The following DEK variants were observed in gnomAD, a reference collection of about 807,000 sequenced individuals.
The protein encoded by DEK is protein DEK.
A neutral mutation model predicts 46.8 loss-of-function variants in DEK; 28 were observed. The ratio of observed to expected loss-of-function variants is 0.60; its 90% CI spans 0.44 to 0.82. The LOEUF is 0.82. Among genes scored for constraint, DEK ranks in the 40% least tolerant of loss-of-function variants. DEK has a pLI of 0.00. For missense variants in DEK, 416 were observed against 430.6 expected, an observed-to-expected ratio of 0.97 and a Z score of 0.30; for synonymous variants, 160 against 144.5, an observed-to-expected ratio of 1.11 and a Z score of -0.77.
At chr6:18,226,975 T>C (rs532878381) in intron 9 of DEK, among the ~76,000 whole-genome samples, 1 of 151,372 alleles carries the variant, frequency 6.6e-6, no homozygotes, top group South Asian at 2.1e-4. Flanking sequence ...GAAGGCAGCA[T>C]GCTCGTTAAC....
chr6:18,245,790 T>C (rs762148215), intron 7 of DEK, among the ~76,000 whole-genome samples: 2 of 152,264 alleles, frequency 1.3e-5, no homozygotes, highest in Non-Finnish European at 2.9e-5. Context: ...TTTGGCTCTG[T>C]GTCCCCACCC....
At position 18,233,839 on chromosome 6, in the gene DEK, T is replaced by C. The variant is rs576862826; in HGVS notation, c.1047+2613A>G. 4.6e-5 allele frequency among the ~76,000 whole-genome samples: 7 copies of C among 152,310 alleles called. No homozygotes were observed. In the East Asian group the frequency reaches 1.4e-3, roughly 29 times the overall value. ...AATACCATTTGACCCAGCCATCCCA[T>C]TACTGGGGATATACCCAAAGGATTA... On this transcript the variant is annotated intron_variant, in intron 9 of 10. Transcript: ENST00000652689.
chr6:18,226,366 G>T, intron 9 of DEK, 124 bp from the exon 10 acceptor site: 1 of 777,796 alleles, frequency 1.3e-6, no homozygotes, highest in South Asian at 2.4e-5. Context: ...ACAGTACTCT[G>T]GTTAACCCAT....
chr6:18,237,160 GAT>G, intron 8 of DEK: 1 of 416,996 alleles, frequency 2.4e-6, no homozygotes, highest in Non-Finnish European at 4.1e-6. Context: ...CCATCCCCAA[GAT>G]ATCTCTCTCT....
chr6:18,255,751 G>A lies in DEK; in HGVS notation c.553C>T (p.His185Tyr), dbSNP rs1212516233. 2 of 1,608,382 alleles carry A rather than the reference G, an allele frequency of 1.2e-6. No homozygotes were observed. Among genetic ancestry groups the A allele is most frequent in the Non-Finnish European group, 1.7e-6 (2 of 1,178,614 alleles). Residue 185 changes from histidine to tyrosine, a missense_variant, in exon 6 of 11, where the codon CAT becomes TAT. By Grantham distance (83) the His-to-Tyr change is moderately conservative. Transcript: ENST00000652689. Reference sequence around the variant, plus strand: ...CTCACTTTGCCAGAAGGCTTTGGATGCATTAAGAAATTCAAGATCCTCTTC... The same window carrying A: ...CTCACTTTGCCAGAAGGCTTTGGATACATTAAGAAATTCAAGATCCTCTTC... ...LVKRILNFLM[H>Y]PKPSGKPLPK...
At chr6:18,225,830 G>C in intron 10 of DEK, 100 bp from the exon 11 acceptor site, 1 of 1,371,296 alleles carries the variant, frequency 7.3e-7, no homozygotes. Flanking sequence ...AATCAGTTGA[G>C]ATCAATACAG....
intron 9 of DEK, among the ~76,000 whole-genome samples, chr6:18,227,955 C>A (rs1790213413): frequency 6.6e-6 from 1 of 152,144 alleles, no homozygotes; most frequent in South Asian, 2.1e-4. Context: ...TCCTAAGACC[C>A]AGGTGGTCTC....
chr6:18,240,937 C>A (rs192865426), intron 7 of DEK, among the ~76,000 whole-genome samples: 1 of 152,270 alleles, frequency 6.6e-6, no homozygotes, highest in East Asian at 1.9e-4. Flanking sequence ...TACGACATGG[C>A]CCGCAAACAT....
At position 18,257,992 on chromosome 6, in the gene DEK, A is replaced by C; in HGVS notation, c.318T>G (p.Leu106=). 6.2e-7 allele frequency: 1 copy of C among 1,608,008 alleles called. No homozygotes were observed. Among genetic ancestry groups the C allele is most frequent in the South Asian group, 1.1e-5 (1 of 89,524 alleles). Residue 106 remains leucine (L), a synonymous_variant, in exon 4 of 11, where the codon CTT becomes CTG. Coordinates refer to ENST00000652689, the MANE Select transcript of DEK (RefSeq NM_003472.4). ...TGTAAAGCAGTTTGTGTAGATTTCTAAGTTCATCGGTTTTCTTCTTACTTA... is the reference window on the plus strand; with the variant it reads ...TGTAAAGCAGTTTGTGTAGATTTCTCAGTTCATCGGTTTTCTTCTTACTTA... ...FFLSKKKTDE[L]RNLHKLLYNR... is the part of the protein sequence containing the mutation.
intron 6 of DEK, among the ~76,000 whole-genome samples, chr6:18,255,293 A>T (rs553289451): frequency 6.6e-6 from 1 of 152,276 alleles, no homozygotes; most frequent in South Asian, 2.1e-4. Flanking sequence ...TTAGCTTTTA[A>T]ATGTCACTTT....
chr6:18,234,440 C>T (rs1790563078), intron 9 of DEK, among the ~76,000 whole-genome samples: 1 of 152,156 alleles, frequency 6.6e-6, no homozygotes, highest in Non-Finnish European at 1.5e-5. Flanking sequence ...TGGTTAAGCC[C>T]AGACTACAGA....
chr6:18,242,478 G>C (rs1790932927), intron 7 of DEK, among the ~76,000 whole-genome samples: 1 of 152,212 alleles, frequency 6.6e-6, no homozygotes, highest in Non-Finnish European at 1.5e-5. Context: ...GAAAATTCCA[G>C]AAGTAAACAA....
chr6:18,252,942 G>C (rs533837848), intron 6 of DEK, among the ~76,000 whole-genome samples: 61 of 152,282 alleles, frequency 4.0e-4, no homozygotes, highest in African/African-American at 1.3e-3. Context: ...TAAATACTGT[G>C]TTAACTCTCA....
intron 2 of DEK, among the ~76,000 whole-genome samples, chr6:18,258,636 G>GT (rs1320864705): frequency 4.5e-4 from 68 of 150,856 alleles, no homozygotes; most frequent in African/African-American, 1.7e-3. Context: ...CAGGGACTCA[G>GT]TTAAAAAAAA....
chr6:18,225,815 T>C (rs1470517330), intron 10 of DEK, 85 bp from the exon 11 acceptor site: 1 of 1,519,968 alleles, frequency 6.6e-7, no homozygotes, highest in Non-Finnish European at 9.1e-7. Context: ...ATTTTGTCCT[T>C]CAAAAATCAG....
At chr6:18,256,046 G>A (rs1473992123) in intron 5 of DEK, among the ~76,000 whole-genome samples, 195 bp from the exon 6 acceptor site, 1 of 151,040 alleles carries the variant, frequency 6.6e-6, no homozygotes, top group African/African-American at 2.4e-5. Flanking sequence ...GGAGTGCAAT[G>A]GCCCAATCTT....
chr6:18,233,389 G>T lies in DEK; in HGVS notation c.1047+3063C>A, dbSNP rs1218719464. On this transcript the variant is annotated intron_variant, in intron 9 of 10. Transcript: ENST00000652689. ...ACTAAAGAGGTTCTGCACAGCAAAA[G>T]AAACTACCATCAGAGTGAACAGGCA... is the stretch of plus-strand genomic sequence containing the variant. 6.6e-5 allele frequency among the ~76,000 whole-genome samples: 10 copies of T among 152,134 alleles called. No homozygotes were observed. In the East Asian group the frequency reaches 7.7e-4, roughly 12 times the overall value.
intron 7 of DEK, among the ~76,000 whole-genome samples, chr6:18,247,382 A>G (rs1791166431): frequency 6.6e-6 from 1 of 152,190 alleles, no homozygotes; most frequent in African/African-American, 2.4e-5. Flanking sequence ...AAAATATGAT[A>G]TAGCTTTTAT....
intron 7 of DEK, among the ~76,000 whole-genome samples, chr6:18,243,741 ACAG>A (rs1396530869): frequency 3.1e-4 from 47 of 152,336 alleles, no homozygotes; most frequent in African/African-American, 1.1e-3. Flanking sequence ...TGTAACCCTA[ACAG>A]CATTTAGCAT....
Sources: gnomAD v4.1 joint callset for allele counts (sites outside exome capture counted in the v4.1 genomes callset) on GRCh38, gnomAD v4.1.1 for gene constraint, MANE v1.5 for transcripts, NCBI Gene and HGNC (gene_info 2026-07-23, HGNC 2026-07-21) for gene names.